The following GRAMD1C variants were observed in gnomAD, a reference collection of about 807,000 sequenced individuals.
GRAMD1C encodes protein Aster-C.
In GRAMD1C, 89 loss-of-function variants were observed where a neutral mutation model predicts 97.8. That is an observed-to-expected ratio of 0.91 (90% confidence interval 0.77 to 1.09). The LOEUF is 1.09. Among genes scored for constraint, GRAMD1C ranks in the 50% least tolerant of loss-of-function variants. The probability of loss-of-function intolerance (pLI) is 0.00; values close to 1 mark genes in which losing one functional copy is unlikely to be tolerated. For missense variants in GRAMD1C, 740 were observed against 766.4 expected, an observed-to-expected ratio of 0.97 and a Z score of 0.41; for synonymous variants, 256 against 267.0, an observed-to-expected ratio of 0.96 and a Z score of 0.40.
intron 10 of GRAMD1C, among the ~76,000 whole-genome samples, chr3:113,927,643 T>A (rs1442518597): frequency 6.6e-6 from 1 of 152,162 alleles, no homozygotes; most frequent in Non-Finnish European, 1.5e-5. Context: ...GAGGCAGAAG[T>A]GAGACCACTG....
At chr3:113,830,299 T>A (rs150080674) in intron 1 of GRAMD1C, among the ~76,000 whole-genome samples, 2 of 152,348 alleles carry the variant, frequency 1.3e-5, no homozygotes, top group Non-Finnish European at 2.9e-5. Context: ...GGACCCTCCC[T>A]GTTGAACATG....
chr3:113,846,110 AT>A (rs60131213), intron 2 of GRAMD1C, among the ~76,000 whole-genome samples: 138,497 of 144,272 alleles, frequency 0.96, 66,597 homozygotes, highest in East Asian at 1. Flanking sequence ...TTCTGCACTA[AT>A]TTTTTTTTTT....
chr3:113,838,748 T>A, upstream of GRAMD1C: 1 of 409,244 alleles, frequency 2.4e-6, no homozygotes, highest in Non-Finnish European at 4.1e-6. Flanking sequence ...CAGGAATCCT[T>A]CACGGCCGCC....
In GRAMD1C at chr3:113,904,245, G is replaced by A. The variant is rs1936273853; in HGVS notation, c.762G>A (p.Glu254=). The A allele has an allele frequency of 6.2e-7, 1 of 1,607,412 alleles. No individual in the cohort carries two copies. Among genetic ancestry groups the A allele is most frequent in the Admixed American group, 1.7e-5 (1 of 59,994 alleles). Reference sequence around the variant, plus strand: ...CAATTAGTCGGGTTTCAGAAACAGAGTCATTCGATGGAAATTCATCAAAAG... The same window carrying A: ...CAATTAGTCGGGTTTCAGAAACAGAATCATTCGATGGAAATTCATCAAAAG... ...SESISRVSET[E]SFDGNSSKGG... The change falls in exon 8 of 18, where the codon GAG becomes GAA. Residue 254 remains glutamate, a synonymous_variant. Coordinates refer to ENST00000358160, the MANE Select transcript of GRAMD1C (RefSeq NM_017577.5).
At chr3:113,872,751 C>T (rs146697174) in intron 3 of GRAMD1C, among the ~76,000 whole-genome samples, 4 of 150,860 alleles carry the variant, frequency 2.7e-5, no homozygotes, top group Non-Finnish European at 5.9e-5. Flanking sequence ...TACAATAAAA[C>T]ATATCCATTT....
chr3:113,834,308 T>G (rs1709602724), upstream of GRAMD1C, among the ~76,000 whole-genome samples: 1 of 152,082 alleles, frequency 6.6e-6, no homozygotes, highest in African/African-American at 2.4e-5. Context: ...GCCTCCCAAG[T>G]AGCTGGGATT....
chr3:113,902,141 G>T (rs1439558572), intron 7 of GRAMD1C, among the ~76,000 whole-genome samples: 1 of 152,138 alleles, frequency 6.6e-6, no homozygotes, highest in East Asian at 1.9e-4. Flanking sequence ...CTGTTATTTA[G>T]AAATTCTATA....
intron 5 of GRAMD1C, 57 bp downstream of exon 5, chr3:113,876,317 C>CCTG: frequency 1.2e-6 from 1 of 849,284 alleles, no homozygotes; most frequent in Non-Finnish European, 2.0e-6. Flanking sequence ...CTCCCTCATA[C>CCTG]TCATCATCAA....
intron 2 of GRAMD1C, among the ~76,000 whole-genome samples, chr3:113,845,287 G>C (rs893206547): frequency 2.6e-5 from 4 of 152,120 alleles, no homozygotes; most frequent in Admixed American, 1.3e-4. Flanking sequence ...TCTAAATCTA[G>C]CAATTCCTGT....
intron 6 of GRAMD1C, among the ~76,000 whole-genome samples, chr3:113,899,746 A>G (rs1277591407): frequency 6.6e-6 from 1 of 152,156 alleles, no homozygotes; most frequent in Non-Finnish European, 1.5e-5. Flanking sequence ...ATTATCCTAA[A>G]TCATAATAAT....
chr3:113,864,444 A>G (rs1054143568), intron 2 of GRAMD1C, among the ~76,000 whole-genome samples: 2 of 152,054 alleles, frequency 1.3e-5, no homozygotes, highest in African/African-American at 4.8e-5. Flanking sequence ...AGCTGCTTAG[A>G]TATTTCTTCT....
chr3:113,870,504 T>A (rs1441275518), intron 3 of GRAMD1C, among the ~76,000 whole-genome samples: 4 of 152,042 alleles, frequency 2.6e-5, no homozygotes, highest in Non-Finnish European at 5.9e-5. Flanking sequence ...AGGAATAAGA[T>A]ATAGTGTTCA....
chr3:113,881,417 C>G (rs994336870), intron 5 of GRAMD1C, among the ~76,000 whole-genome samples: 1 of 152,204 alleles, frequency 6.6e-6, no homozygotes, highest in South Asian at 2.1e-4. Context: ...CTCGGCCTCC[C>G]GAAATGCTGG....
intron 1 of GRAMD1C, among the ~76,000 whole-genome samples, chr3:113,830,801 T>C (rs1283782045): frequency 6.6e-6 from 1 of 152,202 alleles, no homozygotes; most frequent in Admixed American, 6.5e-5. Flanking sequence ...AGTACAATTA[T>C]AACAAACAGG....
At chr3:113,882,887 G>A (rs1935317728) in intron 6 of GRAMD1C, 55 bp downstream of exon 6, 1 of 779,064 alleles carries the variant, frequency 1.3e-6, no homozygotes. Context: ...TAGTGTATTT[G>A]TGAATTGAAG....
intron 10 of GRAMD1C, chr3:113,919,971 T>C: frequency 1.5e-6 from 1 of 669,010 alleles, no homozygotes; most frequent in Non-Finnish European, 2.8e-6. Flanking sequence ...TGAGACTGTT[T>C]TTAGTGGGAT....
At chr3:113,855,405 G>A (rs887570840) in intron 2 of GRAMD1C, among the ~76,000 whole-genome samples, 2 of 151,678 alleles carry the variant, frequency 1.3e-5, no homozygotes, top group Non-Finnish European at 2.9e-5. Flanking sequence ...GTAATACTTT[G>A]ATCAATAATT....
Position 113,945,410 on chromosome 3 carries a change from C to G in GRAMD1C, c.1921C>G (p.Leu641Val). ...IVMLEQLKSS[L>V]IMLQKTFDLL... ...ACTTTGTTTACAGCTGAAGAGCTCACTCATTATGCTTCAGAAAACGTTTGA... is the reference window on the plus strand; with the variant it reads ...ACTTTGTTTACAGCTGAAGAGCTCAGTCATTATGCTTCAGAAAACGTTTGA... Residue 641 changes from leucine to valine, a missense_variant, in exon 18 of 18, where the codon CTC becomes GTC. Transcript: ENST00000358160. 1 of 1,577,352 alleles carries G rather than the reference C, an allele frequency of 6.3e-7. No homozygotes were observed. The highest frequency in any genetic ancestry group is 8.7e-7 in the Non-Finnish European group (1 of 1,148,672).
intron 17 of GRAMD1C, among the ~76,000 whole-genome samples, chr3:113,944,952 T>C (rs1477011442): frequency 6.6e-6 from 1 of 152,014 alleles, no homozygotes; most frequent in Admixed American, 6.6e-5. Context: ...GCTTTGGGAG[T>C]TTATAGGCAG....
Sources: gnomAD v4.1 joint callset for allele counts (sites outside exome capture counted in the v4.1 genomes callset) on GRCh38, gnomAD v4.1.1 for gene constraint, MANE v1.5 for transcripts, NCBI Gene and HGNC (gene_info 2026-07-23, HGNC 2026-07-21) for gene names.